The following SYNE1 variants were observed in gnomAD, a reference collection of about 807,000 sequenced individuals.
SYNE1 encodes the protein spectrin repeat containing nuclear envelope protein 1, also known as nesprin-1.
In SYNE1, 616 loss-of-function variants were observed where a neutral mutation model predicts 1,111.0. The ratio of observed to expected loss-of-function variants is 0.55; its 90% CI spans 0.52 to 0.59. The LOEUF is 0.59. Among genes scored for constraint, SYNE1 ranks in the 20% least tolerant of loss-of-function variants. SYNE1 has a pLI of 0.00. For missense variants in SYNE1, 10,006 were observed against 10,417.0 expected, an observed-to-expected ratio of 0.96 and a Z score of 1.72; for synonymous variants, 3,855 against 3,825.8, an observed-to-expected ratio of 1.01 and a Z score of -0.28.
chr6:152,613,322 T>C (rs971647606), intron 3 of SYNE1, among the ~76,000 whole-genome samples: 2 of 152,308 alleles, frequency 1.3e-5, no homozygotes, highest in South Asian at 4.1e-4. Flanking sequence ...AAAATCAATG[T>C]GCAAAAGTCA....
intron 46 of SYNE1, among the ~76,000 whole-genome samples, chr6:152,401,922 T>C (rs1416056913): frequency 6.6e-6 from 1 of 152,192 alleles, no homozygotes; most frequent in Non-Finnish European, 1.5e-5. Flanking sequence ...AATTCCACAA[T>C]TCAAACATCC....
At chr6:152,439,751 G>A (rs1460627808) in intron 32 of SYNE1, among the ~76,000 whole-genome samples, 1 of 152,044 alleles carries the variant, frequency 6.6e-6, no homozygotes, top group African/African-American at 2.4e-5. Flanking sequence ...TGGGCACAAG[G>A]CTCTTCTTTC....
intron 67 of SYNE1, 97 bp downstream of exon 67, chr6:152,354,562 C>G: frequency 6.7e-7 from 1 of 1,485,190 alleles, no homozygotes; most frequent in South Asian, 1.1e-5. Flanking sequence ...TTTGCAAAGC[C>G]TAAGCTTTGG....
chr6:152,447,389 C>A (rs2098602202), intron 29 of SYNE1, 69 bp downstream of exon 29: 13 of 1,551,660 alleles, frequency 8.4e-6, no homozygotes, highest in Non-Finnish European at 1.8e-6. Flanking sequence ...AAACTACAAC[C>A]AGAAGAAAAA....
chr6:152,330,002 G>A lies in SYNE1; in HGVS notation c.14683C>T (p.Arg4895Cys), dbSNP rs776494157. 2.5e-5 allele frequency: 40 copies of A among 1,613,990 alleles called. No individual in the cohort carries two copies. Among genetic ancestry groups the A allele is most frequent in the Non-Finnish European group, 3.3e-5 (39 of 1,180,030 alleles). ...ACTCTCCTCAGCCAGTCCAGGGAGC[G>A]ACTCATCTCAGTCTGGAAGTCTATA... The part of the protein sequence containing the change: ...QSIDFQTEMS[R>C]SLDWLRRVKA... Residue 4895 changes from arginine (R) to cysteine (C), a missense_variant, in exon 78 of 146, where the codon CGC (arginine) becomes TGC (cysteine). Around this residue, in one of 7 missense-constraint regions of SYNE1, gnomAD observed 4,955 missense variants for 5,017.2 expected, o/e 0.99. Transcript: ENST00000367255.
At chr6:152,235,047 T>C (rs980299557) in intron 110 of SYNE1, among the ~76,000 whole-genome samples, 5 of 152,146 alleles carry the variant, frequency 3.3e-5, no homozygotes. Flanking sequence ...TTCACATTGA[T>C]GCTACTTAGA....
At chr6:152,124,768 G>T (rs1314298933) in intron 145 of SYNE1, among the ~76,000 whole-genome samples, 1 of 152,112 alleles carries the variant, frequency 6.6e-6, no homozygotes, top group Non-Finnish European at 1.5e-5. Flanking sequence ...TAATGGAAAA[G>T]GAAAATAGAA....
At chr6:152,511,214 G>A (rs2099083216) in intron 6 of SYNE1, 111 bp from the exon 7 acceptor site, 1 of 954,228 alleles carries the variant, frequency 1.0e-6, no homozygotes, top group African/African-American at 1.6e-5. Flanking sequence ...TCATGCCTAT[G>A]TAATAGTACA....
chr6:152,323,581 G>T lies in SYNE1; in HGVS notation c.15814C>A (p.Arg5272=), dbSNP rs1048882814. 1 of 1,614,082 alleles carries T rather than the reference G, an allele frequency of 6.2e-7. No homozygotes were observed. Among genetic ancestry groups the T allele is most frequent in the Non-Finnish European group, 8.5e-7 (1 of 1,180,038 alleles). ...EQQQSALGML[R]QQTLSMLQDG... is the part of the protein sequence containing the mutation. Reference sequence around the variant, plus strand: ...TGGAGCATGCTCAGGGTTTGCTGCCGCAGCATGCCCAAGGCCGACTGCTGC... The same window carrying T: ...TGGAGCATGCTCAGGGTTTGCTGCCTCAGCATGCCCAAGGCCGACTGCTGC... The change falls in exon 82 of 146, where the codon CGG becomes AGG. Residue 5272 remains arginine, a synonymous_variant. Coordinates refer to ENST00000367255, the MANE Select transcript of SYNE1 (RefSeq NM_182961.4).
At position 152,396,882 on chromosome 6, in the gene SYNE1, A is replaced by G; in HGVS notation, c.7449T>C (p.Ser2483=). ...CCTTTGTGATTTGTTCTTGAATGCT[A>G]CTGACAATTTGTTTAGACAAATGTG... The part of the protein sequence containing the change: ...LYAHLSKQIV[S]SIQEQITKAN... Residue 2483 remains serine, a synonymous_variant, in exon 50 of 146, where the codon AGT becomes AGC. Coordinates refer to ENST00000367255, the MANE Select transcript of SYNE1 (RefSeq NM_182961.4). 2 of 1,614,214 alleles carry G rather than the reference A, an allele frequency of 1.2e-6. No homozygotes were observed. Among genetic ancestry groups the G allele is most frequent in the East Asian group, 4.5e-5 (2 of 44,886 alleles).
At chr6:152,604,034 T>C (rs1052842051) in intron 3 of SYNE1, among the ~76,000 whole-genome samples, 1 of 150,492 alleles carries the variant, frequency 6.6e-6, no homozygotes, top group Non-Finnish European at 1.5e-5. Context: ...AGAACATATA[T>C]ATGTATGTAT....
intron 112 of SYNE1, 93 bp from the exon 113 acceptor site, chr6:152,232,358 G>C: frequency 7.2e-7 from 1 of 1,385,414 alleles, no homozygotes; most frequent in Non-Finnish European, 1.0e-6. Flanking sequence ...TCTTAAAAAT[G>C]TACCAAGAGA....
rs1187031128 is a variant in SYNE1, at chr6:152,321,856, C to T, written c.15948G>A (p.Lys5316=). 6.2e-7 allele frequency: 1 copy of T among 1,614,074 alleles called. No individual in the cohort carries two copies. Among genetic ancestry groups the T allele is most frequent in the South Asian group, 1.1e-5 (1 of 91,078 alleles). ...NMQEKVKTNG[K]LVKQELKDRE... ...GGTCCTTCAGCTCTTGCTTCACCAA[C>T]TTTCCATTAGTCTTCACTTTCTCCT... The change falls in exon 83 of 146, where the codon AAG becomes AAA. Residue 5316 remains lysine (K), a synonymous_variant. Transcript: ENST00000367255.
chr6:152,290,070 C>T (rs2094527078), intron 95 of SYNE1, among the ~76,000 whole-genome samples: 2 of 151,902 alleles, frequency 1.3e-5, no homozygotes, highest in Admixed American at 1.3e-4. Flanking sequence ...TTAGTTGTTA[C>T]ATATATGAAA....
At chr6:152,359,743 G>A (rs2096899996) in intron 64 of SYNE1, among the ~76,000 whole-genome samples, 1 of 151,768 alleles carries the variant, frequency 6.6e-6, no homozygotes, top group Admixed American at 6.6e-5. Context: ...AACTGATTAT[G>A]TCCAGAAATG....
chr6:152,593,377 G>T (rs2099572336), intron 3 of SYNE1, among the ~76,000 whole-genome samples: 1 of 152,158 alleles, frequency 6.6e-6, no homozygotes, highest in African/African-American at 2.4e-5. Flanking sequence ...GAGGTCAGTA[G>T]ATTGAGACCA....
rs779020632 is a variant in SYNE1, at chr6:152,419,761, G to C, written c.5268-39C>G. ...GTATTAAAGTTAAAATGTCCCATAAGTAAACAGAAAGGATTAATGATGTAT... is the reference window on the plus strand; with the variant it reads ...GTATTAAAGTTAAAATGTCCCATAACTAAACAGAAAGGATTAATGATGTAT... On this transcript the variant is annotated intron_variant, in intron 39 of 145. Transcript: ENST00000367255. The C allele has an allele frequency of 6.8e-6, 11 of 1,606,812 alleles. No homozygotes were observed. The South Asian group carries it at 1.2e-4, about 18-fold the overall frequency.
chr6:152,170,298 G>A (rs536495131), intron 130 of SYNE1, among the ~76,000 whole-genome samples: 1 of 152,136 alleles, frequency 6.6e-6, no homozygotes, highest in South Asian at 2.1e-4. Flanking sequence ...TTATACTATG[G>A]AATACTCTGC....
chr6:152,523,431 G>A (rs2099149820), intron 5 of SYNE1, among the ~76,000 whole-genome samples: 2 of 152,156 alleles, frequency 1.3e-5, no homozygotes, highest in African/African-American at 4.8e-5. Flanking sequence ...TTTTATACCA[G>A]TATCATGCTG....
Sources: allele counts gnomAD v4.1 joint callset (sites outside exome capture counted in the v4.1 genomes callset), GRCh38; gene constraint gnomAD v4.1.1; regional missense constraint gnomAD v4.1.1; transcripts MANE v1.5; gene names NCBI Gene and HGNC (gene_info 2026-07-23, HGNC 2026-07-21).